GRID2: variants seen among roughly 807,000 people sequenced by gnomAD.
GRID2 encodes the protein glutamate ionotropic receptor delta type subunit 2, also known as glutamate receptor ionotropic, delta-2.
GRID2 carries 33 observed loss-of-function variants against 114.8 expected under a neutral mutation model. That is an observed-to-expected ratio of 0.29 (90% CI 0.22 to 0.38). GRID2 has a LOEUF of 0.38. GRID2 is among the 10% of genes least tolerant of loss of function. The probability of loss-of-function intolerance (pLI) is 1.00; values close to 1 mark genes in which losing one functional copy is unlikely to be tolerated. For missense variants in GRID2, 1,184 were observed against 1,257.7 expected (o/e 0.94, Z 0.89); for synonymous variants, 505 against 449.9 (o/e 1.12, Z -1.55).
intron 8 of GRID2, among the ~76,000 whole-genome samples, chr4:93,339,728 C>G (rs1579735988): frequency 2.0e-5 from 3 of 152,170 alleles, no homozygotes; most frequent in South Asian, 2.1e-4. Flanking sequence ...CTGCCTGAGA[C>G]TGGGTAATTT....
At position 92,724,183 on chromosome 4, in the gene GRID2, C is replaced by A. The variant is rs150761378; in HGVS notation, c.244+133897C>A. Among the ~76,000 whole-genome samples, 1,513 of 152,158 alleles carry A rather than the reference C, an allele frequency of 9.9e-3. 23 individuals carry two copies. Among genetic ancestry groups the A allele is most frequent in the African/African-American group, 0.035 (1,452 of 41,526 alleles). On this transcript the variant is annotated intron_variant, in intron 2 of 15. Transcript: ENST00000282020. The stretch of plus-strand genomic sequence containing the variant: ...TCAATGATATTCAAAAAGGCGGTAC[C>A]TTCTGCTGCCAACATAAGATAAATT...
chr4:93,460,134 T>C (rs1159726633), intron 11 of GRID2, among the ~76,000 whole-genome samples: 3 of 152,200 alleles, frequency 2.0e-5, no homozygotes, highest in South Asian at 4.1e-4. Context: ...AAGTTATCCA[T>C]GCCATGGAAA....
At chr4:92,834,240 A>T (rs1437118383) in intron 2 of GRID2, among the ~76,000 whole-genome samples, 1 of 152,076 alleles carries the variant, frequency 6.6e-6, no homozygotes, top group Non-Finnish European at 1.5e-5. Context: ...ACAATATGGG[A>T]GGTTCTCTTT....
chr4:92,651,410 C>T (rs529723493), intron 2 of GRID2, among the ~76,000 whole-genome samples: 1 of 152,020 alleles, frequency 6.6e-6, no homozygotes, highest in Non-Finnish European at 1.5e-5. Context: ...CCATCCCTGC[C>T]TCCGTGGCCA....
At chr4:92,987,911 G>A (rs1365378648) in intron 2 of GRID2, among the ~76,000 whole-genome samples, 1 of 151,966 alleles carries the variant, frequency 6.6e-6, no homozygotes, top group Non-Finnish European at 1.5e-5. Flanking sequence ...GTTATGTTTT[G>A]TGCTTCCTCA....
intron 2 of GRID2, among the ~76,000 whole-genome samples, chr4:92,671,693 G>A (rs1431795687): frequency 1.3e-5 from 2 of 152,084 alleles, no homozygotes; most frequent in Non-Finnish European, 1.5e-5. Flanking sequence ...GTCTAGGGAG[G>A]CAAATGTACA....
At chr4:92,439,608 G>A (rs1269223514) in intron 1 of GRID2, among the ~76,000 whole-genome samples, 3 of 123,532 alleles carry the variant, frequency 2.4e-5, no homozygotes, top group African/African-American at 5.2e-5. Flanking sequence ...TGATATTGTG[G>A]GGATGTAAGA....
intron 4 of GRID2, among the ~76,000 whole-genome samples, chr4:93,205,761 G>T (rs28653691): frequency 0.68 from 102,925 of 150,970 alleles, 35,644 homozygotes; most frequent in Middle Eastern, 0.86. Flanking sequence ...TGAACTAGTT[G>T]ACAGTCCCAC....
chr4:93,732,033 C>T (rs1366194956), intron 14 of GRID2, among the ~76,000 whole-genome samples: 6 of 152,104 alleles, frequency 3.9e-5, no homozygotes, highest in African/African-American at 2.4e-5. Context: ...AAGGACAGAC[C>T]GTGGTTCCTC....
At chr4:93,051,756 G>T (rs1322100143) in intron 2 of GRID2, among the ~76,000 whole-genome samples, 1 of 151,966 alleles carries the variant, frequency 6.6e-6, no homozygotes, top group Non-Finnish European at 1.5e-5. Context: ...TTCTTACTGA[G>T]CTGTAACCTG....
intron 7 of GRID2, among the ~76,000 whole-genome samples, chr4:93,234,338 T>C (rs1453411315): frequency 6.6e-6 from 1 of 152,064 alleles, no homozygotes; most frequent in East Asian, 1.9e-4. Flanking sequence ...ATATGTTATA[T>C]TGAACACACA....
chr4:92,796,953 G>A (rs1016456966), intron 2 of GRID2, among the ~76,000 whole-genome samples: 2 of 151,800 alleles, frequency 1.3e-5, no homozygotes, highest in Non-Finnish European at 2.9e-5. Flanking sequence ...TCAAAAAGTG[G>A]AAGGTATTTT....
chr4:93,011,336 G>C (rs561888385), intron 2 of GRID2, among the ~76,000 whole-genome samples: 90 of 151,718 alleles, frequency 5.9e-4, no homozygotes, highest in African/African-American at 2.1e-3. Flanking sequence ...TCTTTTGGGG[G>C]TTTTAGAGAG....
intron 2 of GRID2, among the ~76,000 whole-genome samples, chr4:92,656,776 ATGAGGAATTAACT>A (rs1732260741): frequency 6.6e-6 from 1 of 151,772 alleles, no homozygotes; most frequent in South Asian, 2.1e-4. Context: ...GAATATTAAC[ATGAGGAATTAACT>A]TGTGTTTTAA....
chr4:92,442,382 G>T (rs149146658), intron 1 of GRID2, among the ~76,000 whole-genome samples: 8,102 of 151,856 alleles, frequency 0.053, 262 homozygotes, highest in South Asian at 0.086. Flanking sequence ...ATTCCGGGCT[G>T]CGGGCATTCC....
At chr4:92,883,795 G>T (rs558544865) in intron 2 of GRID2, among the ~76,000 whole-genome samples, 8 of 152,294 alleles carry the variant, frequency 5.3e-5, no homozygotes, top group African/African-American at 1.9e-4. Flanking sequence ...AGTAAACCAT[G>T]CTATAAATGG....
chr4:93,126,464 G>T (rs1734267708), intron 4 of GRID2, among the ~76,000 whole-genome samples: 1 of 151,042 alleles, frequency 6.6e-6, no homozygotes, highest in South Asian at 2.1e-4. Flanking sequence ...CAGATGTCCT[G>T]TGCATTATAA....
At chr4:92,761,960 C>CAA (rs1738030843) in intron 2 of GRID2, among the ~76,000 whole-genome samples, 1 of 152,114 alleles carries the variant, frequency 6.6e-6, no homozygotes, top group Non-Finnish European at 1.5e-5. Flanking sequence ...GAGAGAGTCT[C>CAA]GCTCTGTCTC....
chr4:93,249,519 T>C (rs1291159697), intron 8 of GRID2, among the ~76,000 whole-genome samples: 1 of 152,170 alleles, frequency 6.6e-6, no homozygotes, highest in Non-Finnish European at 1.5e-5. Context: ...TGGAATGTTT[T>C]TCCATTTGTT....
Sources: allele counts gnomAD v4.1 joint callset (sites outside exome capture counted in the v4.1 genomes callset), GRCh38; gene constraint gnomAD v4.1.1; transcripts MANE v1.5; gene names NCBI Gene and HGNC (gene_info 2026-07-23, HGNC 2026-07-21).